Variants in TRPC4 observed in about 807,000 individuals in gnomAD.
TRPC4 encodes short transient receptor potential channel 4.
A neutral mutation model predicts 99.4 loss-of-function variants in TRPC4; 49 were observed. That is an observed-to-expected ratio of 0.49 (90% confidence interval 0.39 to 0.63). The LOEUF is 0.63. Ranked by LOEUF, TRPC4 falls within the 20% of genes least tolerant of loss-of-function variation. The probability of loss-of-function intolerance (pLI) is 0.00; values close to 1 mark genes in which losing one functional copy is unlikely to be tolerated. For synonymous variants in TRPC4, 454 were observed against 425.9 expected (o/e 1.07, Z -0.81); for missense variants, 898 against 1,152.9 (o/e 0.78, Z 3.20).
At chr13:37,639,440 G>C in intron 8 of TRPC4, 141 bp from the exon 9 acceptor site, 1 of 765,958 alleles carries the variant, frequency 1.3e-6, no homozygotes, top group South Asian at 2.0e-5. Flanking sequence ...AATGGCTAAA[G>C]AGTGCTGCAC....
intron 3 of TRPC4, among the ~76,000 whole-genome samples, chr13:37,738,999 A>G (rs1435679755): frequency 6.6e-6 from 1 of 152,186 alleles, no homozygotes; most frequent in Admixed American, 6.5e-5. Context: ...ATAAAACAAA[A>G]CAAAAAACCT....
Position 37,651,362 on chromosome 13 carries a change from G to A in TRPC4, c.1982C>T (p.Pro661Leu). ...CAGGTACCAGAGAGACTTGGGGCTC[G>A]GGATGACATTGAAGGGAGTAGGCAG... ...GTLPTPFNVI[P>L]SPKSLWYLIK... Residue 661 changes from proline (P) to leucine (L), a missense_variant, in exon 8 of 11, where the codon CCG becomes CTG. Coordinates refer to ENST00000379705, the MANE Select transcript of TRPC4 (RefSeq NM_016179.4). 5 of 1,614,004 alleles carry A rather than the reference G, an allele frequency of 3.1e-6. No individual in the cohort carries two copies. The highest frequency in any genetic ancestry group is 2.2e-5 in the South Asian group (2 of 91,074).
chr13:37,691,303 AC>A (rs1315091588), intron 4 of TRPC4, among the ~76,000 whole-genome samples: 1 of 152,054 alleles, frequency 6.6e-6, no homozygotes, highest in Non-Finnish European at 1.5e-5. Flanking sequence ...ACGGGGTTTC[AC>A]CGTGTTAGCT....
intron 4 of TRPC4, among the ~76,000 whole-genome samples, chr13:37,686,292 A>G (rs1953474959): frequency 6.6e-6 from 1 of 152,076 alleles, no homozygotes; most frequent in African/African-American, 2.4e-5. Context: ...GTATATATAC[A>G]CACGTGTGTA....
At chr13:37,796,882 C>A (rs1957257953) in intron 1 of TRPC4, among the ~76,000 whole-genome samples, 1 of 135,258 alleles carries the variant, frequency 7.4e-6, no homozygotes, top group African/African-American at 2.7e-5. Flanking sequence ...TCCTTGAGCC[C>A]AGGAGTTCGA....
intron 5 of TRPC4, among the ~76,000 whole-genome samples, chr13:37,673,744 G>A (rs1183702758): frequency 6.6e-6 from 1 of 152,100 alleles, no homozygotes. Flanking sequence ...GGGATGAGGA[G>A]AAAGAAATTA....
chr13:37,703,984 A>G (rs1027931258), intron 3 of TRPC4, among the ~76,000 whole-genome samples: 6 of 152,226 alleles, frequency 3.9e-5, no homozygotes, highest in Non-Finnish European at 7.3e-5. Flanking sequence ...AGGACTGGAT[A>G]AGCAAAATAT....
chr13:37,642,222 G>A (rs1038817567), intron 8 of TRPC4, among the ~76,000 whole-genome samples: 2 of 152,120 alleles, frequency 1.3e-5, no homozygotes, highest in Admixed American at 1.3e-4. Flanking sequence ...CTTTGGAGGA[G>A]CCCAAAAGTT....
At chr13:37,749,357 C>T (rs949387520) in intron 2 of TRPC4, among the ~76,000 whole-genome samples, 5 of 152,072 alleles carry the variant, frequency 3.3e-5, no homozygotes, top group Non-Finnish European at 5.9e-5. Flanking sequence ...CTTACTCTTA[C>T]TCTAAAATGT....
At chr13:37,677,445 T>C (rs897834799) in intron 4 of TRPC4, among the ~76,000 whole-genome samples, 151 of 151,728 alleles carry the variant, frequency 1.0e-3, no homozygotes, top group African/African-American at 3.5e-3. Flanking sequence ...AATTCATCCA[T>C]AGAAGTAAAG....
At chr13:37,764,618 G>T (rs1202463226) in intron 2 of TRPC4, among the ~76,000 whole-genome samples, 2 of 151,270 alleles carry the variant, frequency 1.3e-5, no homozygotes, top group African/African-American at 2.4e-5. Context: ...TAATGAGAAA[G>T]CTCATTTTAC....
intron 1 of TRPC4, among the ~76,000 whole-genome samples, chr13:37,830,793 T>C (rs1593279284): frequency 9.2e-6 from 1 of 109,144 alleles, no homozygotes; most frequent in Non-Finnish European, 1.8e-5. Context: ...ATATATAGTA[T>C]ATATTTTTTG....
intron 1 of TRPC4, among the ~76,000 whole-genome samples, chr13:37,821,991 A>T (rs1050392508): frequency 2.6e-5 from 4 of 152,214 alleles, no homozygotes; most frequent in African/African-American, 9.6e-5. Context: ...AACTTCACAC[A>T]GGAAAAGAAA....
Position 37,636,999 on chromosome 13 carries a change from C to A in TRPC4, c.2838G>T (p.Lys946Asn). The A allele has an allele frequency of 6.2e-7, 1 of 1,613,750 alleles. No individual in the cohort carries two copies. The highest frequency in any genetic ancestry group is 8.5e-7 in the Non-Finnish European group (1 of 1,179,768). Residue 946 changes from lysine (K) to asparagine (N), a missense_variant, in exon 11 of 11, where the codon AAG (lysine) becomes AAT (asparagine). Physicochemically the swap from Lys to Asn is moderately conservative, Grantham distance 94. Transcript: ENST00000379705. The part of the protein sequence containing the change: ...VVEDTVPIIP[K>N]EKHAKEEDSS... ...AGTCCTCTTCTTTTGCATGTTTCTC[C>A]TTTGGTATTATAGGAACCGTGTCCT...
intron 1 of TRPC4, among the ~76,000 whole-genome samples, chr13:37,857,122 A>G (rs1284690319): frequency 1.3e-5 from 2 of 151,762 alleles, no homozygotes; most frequent in East Asian, 3.9e-4. Context: ...TAGCATTTCT[A>G]TATGCCAACA....
At chr13:37,719,113 G>T (rs1345523607) in intron 3 of TRPC4, among the ~76,000 whole-genome samples, 1 of 152,120 alleles carries the variant, frequency 6.6e-6, no homozygotes, top group Non-Finnish European at 1.5e-5. Flanking sequence ...GCCCAGAAGG[G>T]AATGGGGCAG....
intron 1 of TRPC4, among the ~76,000 whole-genome samples, chr13:37,866,702 C>T (rs540156628): frequency 1.7e-4 from 25 of 151,512 alleles, no homozygotes; most frequent in South Asian, 1.0e-3. Context: ...TAAAATATTG[C>T]GGGGTCAATG....
chr13:37,642,250 T>C (rs1250371344), intron 8 of TRPC4, among the ~76,000 whole-genome samples: 1 of 152,170 alleles, frequency 6.6e-6, no homozygotes, highest in Non-Finnish European at 1.5e-5. Flanking sequence ...CTTTTCGGCA[T>C]GACATTGAAT....
chr13:37,738,367 G>A (rs952180798), intron 3 of TRPC4, among the ~76,000 whole-genome samples: 4 of 152,152 alleles, frequency 2.6e-5, no homozygotes, highest in Non-Finnish European at 5.9e-5. Flanking sequence ...CTGTCCAGGC[G>A]AGTTTGATAA....
Sources: gnomAD v4.1 joint callset for allele counts (sites outside exome capture counted in the v4.1 genomes callset) on GRCh38, gnomAD v4.1.1 for gene constraint, MANE v1.5 for transcripts, NCBI Gene and HGNC (gene_info 2026-07-23, HGNC 2026-07-21) for gene names.